The following MAP4K4 variants were observed in gnomAD, a reference collection of about 807,000 sequenced individuals.
MAP4K4 encodes HPK/GCK-like kinase HGK.
A neutral mutation model predicts 189.6 loss-of-function variants in MAP4K4; 38 were observed. That is an observed-to-expected ratio of 0.20 (90% CI 0.15 to 0.26). MAP4K4 has a LOEUF of 0.26. Ranked by LOEUF, MAP4K4 falls within the 10% of genes least tolerant of loss-of-function variation. The pLI, the probability that MAP4K4 is intolerant of heterozygous loss-of-function variation, is 1.00. For missense variants in MAP4K4, 1,054 were observed against 1,726.9 expected (o/e 0.61, Z 6.91); for synonymous variants, 610 against 624.3 (o/e 0.98, Z 0.34).
At chr2:101,712,965 AC>A (rs2046425447) in intron 2 of MAP4K4, among the ~76,000 whole-genome samples, 1 of 145,896 alleles carries the variant, frequency 6.9e-6, no homozygotes, top group Non-Finnish European at 1.5e-5. Flanking sequence ...TGCAGTGGGC[AC>A]CATCTTGGCT....
chr2:101,848,426 G>A (rs1382610791), intron 12 of MAP4K4, among the ~76,000 whole-genome samples: 1 of 152,216 alleles, frequency 6.6e-6, no homozygotes, highest in Non-Finnish European at 1.5e-5. Context: ...GATTTAGTCA[G>A]AACTGTTTGA....
At chr2:101,820,169 T>C (rs531371162) in intron 3 of MAP4K4, among the ~76,000 whole-genome samples, 8 of 152,342 alleles carry the variant, frequency 5.3e-5, no homozygotes, top group African/African-American at 1.9e-4. Context: ...AGTCGAATTA[T>C]TTTATAATTC....
At chr2:101,843,251 G>A (rs2096974721) in intron 11 of MAP4K4, among the ~76,000 whole-genome samples, 2 of 152,170 alleles carry the variant, frequency 1.3e-5, no homozygotes, top group African/African-American at 2.4e-5. Flanking sequence ...TGTCCATGCT[G>A]CAGTATGTGG....
chr2:101,807,341 A>G (rs1346117775), intron 3 of MAP4K4, among the ~76,000 whole-genome samples: 1 of 152,038 alleles, frequency 6.6e-6, no homozygotes, highest in Non-Finnish European at 1.5e-5. Flanking sequence ...TGCTAAGATT[A>G]TAGGTATGAG....
chr2:101,754,341 GTTTTTTTTTTT>G (rs59198391), intron 2 of MAP4K4, among the ~76,000 whole-genome samples: 1 of 85,836 alleles, frequency 1.2e-5, no homozygotes, highest in Non-Finnish European at 2.2e-5. Flanking sequence ...CTTTTTTGCT[GTTTTTTTTTTT>G]TTTTTTTTTT....
chr2:101,755,916 A>G (rs2072315043), intron 2 of MAP4K4, among the ~76,000 whole-genome samples: 2 of 101,524 alleles, frequency 2.0e-5, no homozygotes, highest in East Asian at 3.2e-4. Context: ...TATTTATAGT[A>G]TGAGTTCTTT....
intron 3 of MAP4K4, among the ~76,000 whole-genome samples, chr2:101,809,096 G>C (rs955222211): frequency 6.6e-6 from 1 of 152,162 alleles, no homozygotes; most frequent in Non-Finnish European, 1.5e-5. Flanking sequence ...GAATAATTCA[G>C]GTGGTGAATT....
intron 2 of MAP4K4, among the ~76,000 whole-genome samples, chr2:101,702,412 C>G (rs1030636043): frequency 3.3e-5 from 5 of 151,820 alleles, no homozygotes; most frequent in Admixed American, 1.3e-4. Context: ...ACTAAAAATA[C>G]CGAAAAATTA....
rs4075590 is a variant in MAP4K4 at position 101,704,537 on chromosome 2, G to A, written c.123+5999G>A. On this transcript the variant is annotated intron_variant, in intron 2 of 32. Coordinates refer to ENST00000324219, the Ensembl canonical transcript of MAP4K4. ...CAATATTTTATGTGTGTGTGTGTGT[G>A]TGTGTATATATATATATATATATAT... 3.6e-3 allele frequency among the ~76,000 whole-genome samples: 267 copies of A among 74,178 alleles called. 2 individuals carry two copies. Among genetic ancestry groups the A allele is most frequent in the African/African-American group, 0.019 (237 of 12,414 alleles). 48.7% of individuals were successfully genotyped at this position (74,178 alleles called of 152,430 possible). A position where few individuals can be genotyped will look rare whatever the true frequency, so the allele number is the denominator to read the frequency against.
intron 2 of MAP4K4, among the ~76,000 whole-genome samples, chr2:101,714,301 T>G (rs944116870): frequency 2.6e-5 from 4 of 151,276 alleles, no homozygotes; most frequent in Non-Finnish European, 5.9e-5. Context: ...GAATAAATTA[T>G]AGGGAAGGAA....
At chr2:101,891,921 G>A (rs1158150111) in exon 33 of MAP4K4, 3 of 147,818 alleles carry the variant, frequency 2.0e-5, no homozygotes, top group African/African-American at 7.5e-5. Context: ...TTGGGGTGGG[G>A]GTCCTGGCCA....
At chr2:101,887,103 G>T (rs2098499961) in exon 30 of MAP4K4, 1 of 1,587,468 alleles carries the variant, frequency 6.3e-7, no homozygotes, top group Admixed American at 1.8e-5. Context: ...TGGAGAATTG[G>T]TACATAAGCC....
At chr2:101,723,375 C>T (rs1048697032) in intron 2 of MAP4K4, among the ~76,000 whole-genome samples, 5 of 152,134 alleles carry the variant, frequency 3.3e-5, no homozygotes, top group Non-Finnish European at 7.4e-5. Context: ...GAGAGAGTTG[C>T]TGAAGATGTT....
At chr2:101,721,014 C>G (rs2051567818) in intron 2 of MAP4K4, among the ~76,000 whole-genome samples, 1 of 152,170 alleles carries the variant, frequency 6.6e-6, no homozygotes, top group Non-Finnish European at 1.5e-5. Context: ...GGCTGAATTG[C>G]ATTTAGCGCT....
chr2:101,699,350 C>T (rs2036787499), intron 2 of MAP4K4, among the ~76,000 whole-genome samples: 1 of 152,168 alleles, frequency 6.6e-6, no homozygotes. Context: ...ATGTGACTAA[C>T]AGTGTTCATT....
chr2:101,787,677 A>C (rs945408889), intron 2 of MAP4K4, among the ~76,000 whole-genome samples: 4 of 152,182 alleles, frequency 2.6e-5, no homozygotes, highest in African/African-American at 9.7e-5. Context: ...ATTCAGTACA[A>C]GTACATTGAG....
intron 2 of MAP4K4, among the ~76,000 whole-genome samples, chr2:101,705,153 G>A (rs1259032151): frequency 6.6e-6 from 1 of 152,172 alleles, no homozygotes; most frequent in Admixed American, 6.5e-5. Flanking sequence ...ATAGCATTAG[G>A]TATAACTAAA....
At chr2:101,863,124 A>G (rs2149892901) in intron 16 of MAP4K4, among the ~76,000 whole-genome samples, 1 of 152,300 alleles carries the variant, frequency 6.6e-6, no homozygotes, top group Non-Finnish European at 1.5e-5. Context: ...TACCCCAACA[A>G]TAGTCAATTC....
chr2:101,835,596 A>T (rs898754069), intron 8 of MAP4K4, among the ~76,000 whole-genome samples: 10 of 152,230 alleles, frequency 6.6e-5, no homozygotes, highest in Non-Finnish European at 1.5e-4. Context: ...TTTTCATTGT[A>T]ATCTAACAGA....
Sources: gnomAD v4.1 joint callset for allele counts (sites outside exome capture counted in the v4.1 genomes callset) on GRCh38, gnomAD v4.1.1 for gene constraint, MANE v1.5 for transcripts, NCBI Gene and HGNC (gene_info 2026-07-23, HGNC 2026-07-21) for gene names.